The following NUP35 variants were observed in gnomAD, a reference collection of about 807,000 sequenced individuals.
NUP35 encodes nucleoporin NUP35.
Under a neutral mutation model 41.5 loss-of-function variants are expected in NUP35, and 25 were observed. That is an observed-to-expected ratio of 0.60 (90% CI 0.44 to 0.84). The LOEUF (loss-of-function observed/expected upper bound fraction) is 0.84, where lower values mean the gene tolerates loss of function less well. Among genes scored for constraint, NUP35 ranks in the 40% least tolerant of loss-of-function variants. The pLI is 0.00. For missense variants in NUP35, 396 were observed against 396.6 expected (o/e 1.00, Z 0.01); for synonymous variants, 149 against 130.7 (o/e 1.14, Z -0.96).
upstream of NUP35, among the ~76,000 whole-genome samples, chr2:183,122,312 G>T (rs1174727345): frequency 1.3e-5 from 2 of 151,958 alleles, no homozygotes; most frequent in Non-Finnish European, 2.9e-5. Context: ...TCCTGACCTC[G>T]TGATCCGCCC....
At chr2:183,151,439 A>C (rs980855167) in intron 4 of NUP35, 69 bp from the exon 5 acceptor site, 3 of 1,465,988 alleles carry the variant, frequency 2.0e-6, no homozygotes, top group South Asian at 1.2e-5. Context: ...ATTTAAAACT[A>C]AGATTTTTGA....
chr2:183,125,433 A>G (rs1217582751), intron 1 of NUP35, among the ~76,000 whole-genome samples: 1 of 149,614 alleles, frequency 6.7e-6, no homozygotes, highest in Non-Finnish European at 1.5e-5. Context: ...TGGTGTGGAA[A>G]GAGTCTTTAG....
intron 5 of NUP35, 104 bp from the exon 6 acceptor site, chr2:183,157,340 C>A: frequency 1.2e-6 from 1 of 865,034 alleles, no homozygotes; most frequent in Non-Finnish European, 2.0e-6. Flanking sequence ...TGTTAACGTT[C>A]TAGACAGTTG....
chr2:183,127,778 T>A (rs1684548451), intron 1 of NUP35, among the ~76,000 whole-genome samples: 1 of 152,226 alleles, frequency 6.6e-6, no homozygotes, highest in African/African-American at 2.4e-5. Context: ...CTGTCACAGA[T>A]AAATATTGTG....
At chr2:183,121,933 A>ATTATTATTATTATTATTATTATTAT (rs1553526836), upstream of NUP35, among the ~76,000 whole-genome samples, 2 of 149,670 alleles carry the variant, frequency 1.3e-5, no homozygotes, top group Non-Finnish European at 3.0e-5. Context: ...TATTATTATT[A>ATTATTATTATTATTATTATTATTAT]TACTTTAAGT....
intron 7 of NUP35, among the ~76,000 whole-genome samples, chr2:183,159,019 T>C (rs1045575978): frequency 2.1e-4 from 32 of 152,116 alleles, no homozygotes; most frequent in African/African-American, 7.7e-4. Flanking sequence ...TATACACACA[T>C]TAATGAACAA....
At chr2:183,149,266 A>G (rs1197409175) in intron 4 of NUP35, among the ~76,000 whole-genome samples, 1 of 152,350 alleles carries the variant, frequency 6.6e-6, no homozygotes, top group Admixed American at 6.5e-5. Context: ...TTGTTTATAT[A>G]GATTATAGCT....
intron 8 of NUP35, 32 bp downstream of exon 8, chr2:183,159,684 C>T: frequency 6.5e-7 from 1 of 1,548,598 alleles, no homozygotes. Context: ...AAAAGATGTA[C>T]TTTAATGGCT....
At chr2:183,132,971 G>A (rs1684747896) in intron 3 of NUP35, among the ~76,000 whole-genome samples, 2 of 152,182 alleles carry the variant, frequency 1.3e-5, no homozygotes, top group Admixed American at 1.3e-4. Context: ...GAGTTCTAGA[G>A]AGATTCTGTT....
intron 4 of NUP35, among the ~76,000 whole-genome samples, chr2:183,135,053 C>A (rs1295992899): frequency 6.6e-6 from 1 of 152,150 alleles, no homozygotes; most frequent in Admixed American, 6.5e-5. Flanking sequence ...GTAGTCATAT[C>A]TCCCTCTCTC....
chr2:183,137,397 T>C lies in NUP35; in HGVS notation c.397+3774T>C, dbSNP rs552547161. Among the ~76,000 whole-genome samples, 26 of 152,078 alleles carry C rather than the reference T, an allele frequency of 1.7e-4. 1 individual carries two copies. In the Middle Eastern group the frequency reaches 0.017, roughly 99 times the overall value. On this transcript the variant is annotated intron_variant, in intron 4 of 8. Coordinates refer to ENST00000295119, the MANE Select transcript of NUP35 (RefSeq NM_138285.5). Reference sequence around the variant, plus strand: ...AGTTTTGAGACCAGCCTGGGCAACATAGTGAGATGCCTGTCTGTACAAAAA... The same window carrying C: ...AGTTTTGAGACCAGCCTGGGCAACACAGTGAGATGCCTGTCTGTACAAAAA...
In NUP35 at chr2:183,159,465, G is replaced by T. The variant is rs1428763764; in HGVS notation, c.739-23G>T. 6.3e-6 allele frequency: 10 copies of T among 1,586,824 alleles called. No homozygotes were observed. The South Asian group carries it at 8.9e-5, about 14-fold the overall frequency. On this transcript the variant is annotated intron_variant, in intron 7 of 8. Coordinates refer to ENST00000295119, the MANE Select transcript of NUP35 (RefSeq NM_138285.5). ...ATATGTATTATGTTTATAAACAAAG[G>T]AGTTATTTCTTTGTTTCTCCAGAGT... is the stretch of plus-strand genomic sequence containing the variant.
intron 4 of NUP35, among the ~76,000 whole-genome samples, chr2:183,138,271 T>TATATATATATA (rs1559147396): frequency 1.8e-5 from 1 of 54,334 alleles, no homozygotes; most frequent in African/African-American, 8.7e-5. Context: ...ATATATATAT[T>TATATATATATA]TTTTTTTTTT....
chr2:183,151,747 A>G (rs1002343630), intron 5 of NUP35, 98 bp downstream of exon 5: 8 of 1,111,330 alleles, frequency 7.2e-6, no homozygotes, highest in Non-Finnish European at 9.1e-6. Context: ...AGTGCATAGC[A>G]AACACCCATA....
At chr2:183,158,485 G>A (rs569982939) in intron 7 of NUP35, 74 bp downstream of exon 7, 31 of 1,330,522 alleles carry the variant, frequency 2.3e-5, no homozygotes, top group African/African-American at 2.2e-4. Context: ...GAAATTGGTC[G>A]TTGTGTCACT....
At chr2:183,154,462 G>A (rs543039794) in intron 5 of NUP35, among the ~76,000 whole-genome samples, 1 of 152,264 alleles carries the variant, frequency 6.6e-6, no homozygotes, top group East Asian at 1.9e-4. Flanking sequence ...TCTTCCACCA[G>A]ATACCTTAAA....
intron 4 of NUP35, among the ~76,000 whole-genome samples, chr2:183,149,110 C>T (rs1192126630): frequency 6.6e-6 from 1 of 152,110 alleles, no homozygotes; most frequent in Non-Finnish European, 1.5e-5. Context: ...GAGATACATA[C>T]AATAGTTAGA....
At chr2:183,157,410 G>A in intron 5 of NUP35, 34 bp from the exon 6 acceptor site, 1 of 1,470,844 alleles carries the variant, frequency 6.8e-7, no homozygotes, top group Non-Finnish European at 9.5e-7. Context: ...GATAGTAGAA[G>A]CTGACGTTTT....
At chr2:183,124,587 T>TGA in intron 1 of NUP35, 90 bp downstream of exon 1, 1 of 1,529,710 alleles carries the variant, frequency 6.5e-7, no homozygotes, top group Non-Finnish European at 9.0e-7. Flanking sequence ...CGTCAGGCTC[T>TGA]CGTCTGCTGG....
Sources: gnomAD v4.1 joint callset for allele counts (sites outside exome capture counted in the v4.1 genomes callset) on GRCh38, gnomAD v4.1.1 for gene constraint, MANE v1.5 for transcripts, NCBI Gene and HGNC (gene_info 2026-07-23, HGNC 2026-07-21) for gene names.